The following NXPE2 variants were observed in gnomAD, a reference collection of about 807,000 sequenced individuals.
The protein encoded by NXPE2 is NXPE family member 2.
In NXPE2, 34 loss-of-function variants were observed where a neutral mutation model predicts 34.4. The observed-to-expected ratio is 0.99, with a 90% confidence interval of 0.75 to 1.31. The LOEUF is 1.31. Among genes scored for constraint, NXPE2 ranks in the 40% most tolerant of loss-of-function variants. NXPE2 has a pLI of 0.00. For missense variants in NXPE2, 649 were observed against 672.5 expected (o/e 0.97, Z 0.39); for synonymous variants, 235 against 231.3 (o/e 1.02, Z -0.15).
At chr11:114,481,886 T>C in the NXPE2 span, among the ~76,000 whole-genome samples, 2 of 152,102 alleles carry the variant, frequency 1.3e-5, no homozygotes, top group Non-Finnish European at 2.9e-5. Context: ...CACCACTATG[T>C]TTATACACCA....
At chr11:114,508,968 A>G in the NXPE2 span, among the ~76,000 whole-genome samples, 1 of 152,150 alleles carries the variant, frequency 6.6e-6, no homozygotes, top group Non-Finnish European at 1.5e-5. Context: ...CAGTAAGCAG[A>G]CAACCTACAG....
At chr11:114,805,018 G>A in the NXPE2 span, among the ~76,000 whole-genome samples, 2 of 152,084 alleles carry the variant, frequency 1.3e-5, no homozygotes, top group South Asian at 2.1e-4. Context: ...CTTCTTTGGA[G>A]TGGGGGTCTA....
chr11:114,498,483 A>C, the NXPE2 span, among the ~76,000 whole-genome samples: 1 of 152,070 alleles, frequency 6.6e-6, no homozygotes, highest in Non-Finnish European at 1.5e-5. Flanking sequence ...TTAAAAAATT[A>C]TTGTCCTTCA....
chr11:114,602,572 A>T, the NXPE2 span, among the ~76,000 whole-genome samples: 1 of 140,014 alleles, frequency 7.1e-6, no homozygotes, highest in Non-Finnish European at 1.5e-5. Flanking sequence ...CATTTATAAT[A>T]ATTATCTCAT....
the NXPE2 span, among the ~76,000 whole-genome samples, chr11:114,519,633 C>T: frequency 6.6e-6 from 1 of 152,014 alleles, no homozygotes. Flanking sequence ...GGGAGTTTGA[C>T]AGGTGGAAGG....
downstream of NXPE2, chr11:114,707,277 G>C (rs1951495031): frequency 2.1e-5 from 6 of 292,322 alleles, no homozygotes; most frequent in South Asian, 1.7e-4. Context: ...TTTTTTAGTA[G>C]AGATGGGGTT....
chr11:114,729,188 G>A, the NXPE2 span, among the ~76,000 whole-genome samples: 16 of 152,114 alleles, frequency 1.1e-4, no homozygotes, highest in East Asian at 5.8e-4. Context: ...CTGTTCCTGC[G>A]TTCAGTTGCT....
the NXPE2 span, among the ~76,000 whole-genome samples, chr11:114,716,203 C>T: frequency 2.6e-5 from 4 of 152,170 alleles, no homozygotes; most frequent in African/African-American, 9.7e-5. Flanking sequence ...AACAGGGAAG[C>T]AGCTACCAAG....
At chr11:114,635,376 G>A in the NXPE2 span, among the ~76,000 whole-genome samples, 1 of 150,372 alleles carries the variant, frequency 6.7e-6, no homozygotes, top group Admixed American at 6.6e-5. Context: ...TGAGACAATG[G>A]GGTTTTCTAG....
the NXPE2 span, among the ~76,000 whole-genome samples, chr11:114,807,302 G>C: frequency 1.3e-5 from 2 of 152,134 alleles, no homozygotes; most frequent in Non-Finnish European, 2.9e-5. Flanking sequence ...AAAATAACAA[G>C]CTAACATCAT....
At chr11:114,695,744 G>T (rs564258604) in intron 2 of NXPE2, among the ~76,000 whole-genome samples, 1 of 152,060 alleles carries the variant, frequency 6.6e-6, no homozygotes, top group Non-Finnish European at 1.5e-5. Flanking sequence ...TGTAATCCCT[G>T]CACTTTGGGA....
the NXPE2 span, among the ~76,000 whole-genome samples, chr11:114,656,851 G>C: frequency 6.6e-6 from 1 of 152,122 alleles, no homozygotes; most frequent in Admixed American, 6.5e-5. Flanking sequence ...CCAGCACTTT[G>C]GGAGGCCGAG....
At chr11:114,812,536 G>A in the NXPE2 span, among the ~76,000 whole-genome samples, 1 of 152,186 alleles carries the variant, frequency 6.6e-6, no homozygotes, top group Non-Finnish European at 1.5e-5. Flanking sequence ...CTAAGGTGCT[G>A]TGGAGATGCT....
the NXPE2 span, among the ~76,000 whole-genome samples, chr11:114,751,124 G>A: frequency 2.0e-5 from 3 of 152,132 alleles, no homozygotes; most frequent in South Asian, 2.1e-4. Flanking sequence ...GACCGAAGAA[G>A]CATGCATGGG....
chr11:114,625,871 A>C, the NXPE2 span, among the ~76,000 whole-genome samples: 1 of 152,176 alleles, frequency 6.6e-6, no homozygotes, highest in Admixed American at 6.5e-5. Context: ...GGGAAGCGCA[A>C]GGGGTCAGGG....
chr11:114,774,765 AGCTCCT>A, the NXPE2 span, among the ~76,000 whole-genome samples: 1 of 151,810 alleles, frequency 6.6e-6, no homozygotes, highest in Non-Finnish European at 1.5e-5. Flanking sequence ...CTCAAGCCCG[AGCTCCT>A]GCAAGGCGTG....
At chr11:114,653,171 CTGGAGAA>C in the NXPE2 span, among the ~76,000 whole-genome samples, 1 of 152,072 alleles carries the variant, frequency 6.6e-6, no homozygotes, top group Non-Finnish European at 1.5e-5. Flanking sequence ...ATAAAAGTAT[CTGGAGAA>C]AGGGTTTTTA....
chr11:114,487,797 T>G, the NXPE2 span, among the ~76,000 whole-genome samples: 1 of 149,060 alleles, frequency 6.7e-6, no homozygotes, highest in Non-Finnish European at 1.5e-5. Context: ...GTATGTGATA[T>G]GATATATCAC....
the NXPE2 span, among the ~76,000 whole-genome samples, chr11:114,620,395 T>C: frequency 6.6e-6 from 1 of 152,034 alleles, no homozygotes. Context: ...GTAACCACTG[T>C]TACCCATTGG....
Sources: allele counts gnomAD v4.1 joint callset (sites outside exome capture counted in the v4.1 genomes callset), GRCh38; gene constraint gnomAD v4.1.1; transcripts MANE v1.5; gene names NCBI Gene and HGNC (gene_info 2026-07-23, HGNC 2026-07-21).